The following SMAD4 variants were observed in gnomAD, a reference collection of about 807,000 sequenced individuals.
The protein encoded by SMAD4 is MAD homolog 4.
A neutral mutation model predicts 63.2 loss-of-function variants in SMAD4; 7 were observed. The observed-to-expected ratio is 0.11, with a 90% CI of 0.06 to 0.21. SMAD4 has a LOEUF of 0.21. Ranked by LOEUF, SMAD4 falls within the 10% of genes least tolerant of loss-of-function variation. The pLI, the probability that SMAD4 is intolerant of heterozygous loss-of-function variation, is 1.00. For synonymous variants in SMAD4, 215 were observed against 235.4 expected, an observed-to-expected ratio of 0.91 and a Z score of 0.79; for missense variants, 312 against 693.8, an observed-to-expected ratio of 0.45 and a Z score of 6.18.
rs200181364 is a variant in SMAD4, at chr18:51,072,299, G to GTA, written c.1309-4336_1309-4335dup. On this transcript the variant is annotated intron_variant, in intron 10 of 11. Transcript: ENST00000342988. ...TTTTAGCCATTGTAGTAGGTGTGAA[G>GTA]TATAATCTTATTGTGGTAGTTTTGA... Among the ~76,000 whole-genome samples the GTA allele has an allele frequency of 6.5e-3, 993 of 152,256 alleles. 13 individuals carry two copies. The highest frequency in any genetic ancestry group is 0.022 in the African/African-American group (914 of 41,536).
Position 51,037,812 on chromosome 18 carries a change from C to T in SMAD4, c.-128+7189C>T, listed in dbSNP as rs539503931. ...AGATTTGAGTATTTGGCAGGTAATT[C>T]CTTGGAAATGAATAAAGTGAGCTGG... On this transcript the variant is annotated intron_variant, in intron 1 of 11. Transcript: ENST00000342988. Among the ~76,000 whole-genome samples, 7 of 152,182 alleles carry T rather than the reference C, an allele frequency of 4.6e-5. No homozygotes were observed. In the East Asian group the frequency reaches 1.4e-3, roughly 29 times the overall value.
intron 1 of SMAD4, among the ~76,000 whole-genome samples, chr18:51,031,039 C>G (rs1909034537): frequency 6.6e-6 from 1 of 152,210 alleles, no homozygotes; most frequent in Non-Finnish European, 1.5e-5. Context: ...CAGCCAATTT[C>G]TGTTTTGTCT....
rs1391923709 is a variant in SMAD4 at position 51,081,603 on chromosome 18, G to A, written c.*3136G>A. 2 of 232,576 alleles carry A rather than the reference G, an allele frequency of 8.6e-6. No homozygotes were observed. Among genetic ancestry groups the A allele is most frequent in the Non-Finnish European group, 8.5e-6 (1 of 117,744 alleles). 14.4% of individuals were successfully genotyped at this position (232,576 alleles called of 1,614,324 possible). ...GTCTGGCTTAAGGAGAGCCATACTT[G>A]AGACATGTGAGTAAACTGAACTCAT... On this transcript the variant is annotated 3_prime_UTR_variant, in exon 12 of 12. Coordinates refer to ENST00000342988, the MANE Select transcript of SMAD4 (RefSeq NM_005359.6).
chr18:51,063,990 G>T (rs986597941), intron 8 of SMAD4, among the ~76,000 whole-genome samples: 2 of 151,654 alleles, frequency 1.3e-5, no homozygotes, highest in African/African-American at 2.4e-5. Flanking sequence ...AGGGTACATA[G>T]CTTTTACAAG....
In SMAD4 at chr18:51,079,635, GCCATC is replaced by G. The variant is rs138404813; in HGVS notation, c.*1169_*1173del. 1,298 of 233,344 alleles carry G rather than the reference GCCATC, an allele frequency of 5.6e-3. 15 individuals are homozygous for G. The highest frequency in any genetic ancestry group is 0.026 in the African/African-American group (1,200 of 45,396). The allele number at this position is 233,344 out of a possible 1,614,324, so 14.5% of individuals were successfully genotyped here. On this transcript the variant is annotated 3_prime_UTR_variant, in exon 12 of 12. Coordinates refer to ENST00000342988, the MANE Select transcript of SMAD4 (RefSeq NM_005359.6). ...ATCTTTTGGTTATTCTAAGCCCTTTGCCATCAATGATCATATCAATTGGCAGTGAC... is the reference window on the plus strand; with the variant it reads ...ATCTTTTGGTTATTCTAAGCCCTTTGAATGATCATATCAATTGGCAGTGAC...
chr18:51,047,611 T>C (rs939541230), intron 2 of SMAD4, among the ~76,000 whole-genome samples: 2 of 142,338 alleles, frequency 1.4e-5, no homozygotes, highest in Non-Finnish European at 3.1e-5. Context: ...TGTTGTTTTC[T>C]TTTTTTTTTT....
At chr18:51,056,204 A>G (rs953726860) in intron 5 of SMAD4, among the ~76,000 whole-genome samples, 18 of 152,202 alleles carry the variant, frequency 1.2e-4, no homozygotes, top group Admixed American at 1.1e-3. Flanking sequence ...AAGAAGGTAC[A>G]TTATAGCCAC....
rs905881679 is a variant in SMAD4 at position 51,065,508 on chromosome 18, T to C, written c.1041T>C (p.Ile347=). The change falls in exon 9 of 12, where the codon ATT becomes ATC. Residue 347 remains isoleucine (I), a synonymous_variant. Coordinates refer to ENST00000342988, the MANE Select transcript of SMAD4 (RefSeq NM_005359.6). ...ETFKVPSSCP[I]VTVDGYVDPS... ...TTAAGGTTCCTTCAAGCTGCCCTATTGTTACTGTTGATGGATACGTGGACC... is the reference window on the plus strand; with the variant it reads ...TTAAGGTTCCTTCAAGCTGCCCTATCGTTACTGTTGATGGATACGTGGACC... The C allele has an allele frequency of 6.2e-7, 1 of 1,613,974 alleles. No homozygotes were observed. Among genetic ancestry groups the C allele is most frequent in the African/African-American group, 1.3e-5 (1 of 74,946 alleles).
chr18:51,063,231 T>G (rs1306070267), intron 8 of SMAD4, among the ~76,000 whole-genome samples: 1 of 152,104 alleles, frequency 6.6e-6, no homozygotes, highest in African/African-American at 2.4e-5. Flanking sequence ...AAGACCACTT[T>G]TAAGTGTTGT....
intron 10 of SMAD4, among the ~76,000 whole-genome samples, chr18:51,074,379 G>A (rs767800139): frequency 3.3e-5 from 5 of 152,052 alleles, no homozygotes; most frequent in Non-Finnish European, 7.4e-5. Flanking sequence ...CAAAAGACAT[G>A]AACAAACACC....
chr18:51,050,692 A>C (rs990579036), intron 4 of SMAD4, among the ~76,000 whole-genome samples: 1 of 151,254 alleles, frequency 6.6e-6, no homozygotes, highest in Non-Finnish European at 1.5e-5. Flanking sequence ...CTGTCATCTT[A>C]GAAAGGTGTG....
intron 5 of SMAD4, among the ~76,000 whole-genome samples, chr18:51,057,212 A>G (rs2037420643): frequency 6.6e-6 from 1 of 152,220 alleles, no homozygotes; most frequent in Non-Finnish European, 1.5e-5. Context: ...ACTCCCATTT[A>G]GAAAAGAATG....
At chr18:51,059,075 T>C (rs944861060) in intron 7 of SMAD4, among the ~76,000 whole-genome samples, 21 of 152,196 alleles carry the variant, frequency 1.4e-4, no homozygotes, top group Admixed American at 1.2e-3. Flanking sequence ...TTACCCTGAA[T>C]CCTGCTACTC....
intron 1 of SMAD4, among the ~76,000 whole-genome samples, chr18:51,030,847 C>T (rs1265824404): frequency 6.6e-6 from 1 of 151,694 alleles, no homozygotes; most frequent in African/African-American, 2.4e-5. Flanking sequence ...CCCCCAGCTC[C>T]GCTTGCAGCT....
At chr18:51,073,742 G>C (rs1009847679) in intron 10 of SMAD4, among the ~76,000 whole-genome samples, 3 of 151,974 alleles carry the variant, frequency 2.0e-5, no homozygotes, top group Non-Finnish European at 2.9e-5. Flanking sequence ...TGTTGGCCAG[G>C]CTGGTCAGGA....
chr18:51,041,669 C>T (rs1247113135), intron 1 of SMAD4, among the ~76,000 whole-genome samples: 1 of 152,134 alleles, frequency 6.6e-6, no homozygotes, highest in Non-Finnish European at 1.5e-5. Context: ...GAAGTGGTAG[C>T]CTTTAAAAGA....
At chr18:51,038,595 AAAC>A (rs1909280380) in intron 1 of SMAD4, among the ~76,000 whole-genome samples, 2 of 152,340 alleles carry the variant, frequency 1.3e-5, no homozygotes, top group African/African-American at 2.4e-5. Context: ...ACTTTAAACA[AAAC>A]AACATATCAT....
At position 51,065,604 on chromosome 18, in the gene SMAD4, A is replaced by G. The variant is rs755178619; in HGVS notation, c.1137A>G (p.Ala379=). 5 of 1,613,712 alleles carry G rather than the reference A, an allele frequency of 3.1e-6. No individual in the cohort carries two copies. The highest frequency in any genetic ancestry group is 8.5e-7 in the Non-Finnish European group (1 of 1,179,730). The change falls in exon 9 of 12, where the codon GCA becomes GCG. Residue 379 remains alanine (A), a splice_region_variant and synonymous_variant. Coordinates refer to ENST00000342988, the MANE Select transcript of SMAD4 (RefSeq NM_005359.6). The part of the protein sequence containing the change: ...NVHRTEAIER[A]RLHIGKGVQL... Reference sequence around the variant, plus strand: ...ACAGGACAGAAGCCATTGAGAGAGCAAGGTATTGATTGTATAGTCAGATAG... The same window carrying G: ...ACAGGACAGAAGCCATTGAGAGAGCGAGGTATTGATTGTATAGTCAGATAG...
intron 10 of SMAD4, among the ~76,000 whole-genome samples, chr18:51,067,998 A>C (rs1253472530): frequency 4.6e-5 from 7 of 152,230 alleles, no homozygotes; most frequent in African/African-American, 1.7e-4. Flanking sequence ...GATAGCCTAA[A>C]TATATTTTTA....
Sources: gnomAD v4.1 joint callset for allele counts (sites outside exome capture counted in the v4.1 genomes callset) on GRCh38, gnomAD v4.1.1 for gene constraint, MANE v1.5 for transcripts, NCBI Gene and HGNC (gene_info 2026-07-23, HGNC 2026-07-21) for gene names.